The following BICRAL variants were observed in gnomAD, a reference collection of about 807,000 sequenced individuals.
BICRAL encodes the protein BRD4-interacting chromatin-remodeling complex-associated protein-like.
BICRAL carries 8 observed loss-of-function variants against 91.8 expected under a neutral mutation model. The observed-to-expected ratio is 0.09, with a 90% confidence interval of 0.05 to 0.16. The LOEUF (loss-of-function observed/expected upper bound fraction) is 0.16, where lower values mean the gene tolerates loss of function less well. Among genes scored for constraint, BICRAL ranks in the 10% least tolerant of loss-of-function variants. BICRAL has a pLI of 1.00. For synonymous variants in BICRAL, 445 were observed against 491.1 expected (o/e 0.91, Z 1.24); for missense variants, 1,038 against 1,310.9 (o/e 0.79, Z 3.21).
At chr6:42,781,640 G>A (rs995002714), upstream of BICRAL, among the ~76,000 whole-genome samples, 3 of 150,666 alleles carry the variant, frequency 2.0e-5, no homozygotes, top group African/African-American at 4.9e-5. Flanking sequence ...GAGCCTGCAA[G>A]AGAATTAGCA....
chr6:42,785,655 TAAAAG>T (rs775483176), intron 1 of BICRAL, among the ~76,000 whole-genome samples: 4 of 152,178 alleles, frequency 2.6e-5, no homozygotes, highest in African/African-American at 4.8e-5. Flanking sequence ...GATAAATCCT[TAAAAG>T]AAAAGGTTGT....
rs546831258 is a variant in BICRAL, at chr6:42,866,909, A to C, written c.*1463A>C. ...AAGCTACATGATAGTATTTTTATGC[A>C]CTCTTCTCCCACACATACACACACG... is the stretch of plus-strand genomic sequence containing the variant. On this transcript the variant is annotated 3_prime_UTR_variant, in exon 13 of 13. Coordinates refer to ENST00000314073, the MANE Select transcript of BICRAL (RefSeq NM_001393499.1). The C allele has an allele frequency of 3.3e-5, 15 of 455,344 alleles. No homozygotes were observed. Among genetic ancestry groups the C allele is most frequent in the African/African-American group, 2.8e-4 (14 of 50,002 alleles). The allele number at this position is 455,344 out of a possible 1,614,324, so 28.2% of individuals were successfully genotyped here.
At chr6:42,848,241 G>A (rs1461454712) in intron 6 of BICRAL, among the ~76,000 whole-genome samples, 1 of 151,304 alleles carries the variant, frequency 6.6e-6, no homozygotes, top group Non-Finnish European at 1.5e-5. Flanking sequence ...GACAGAGTGA[G>A]ACTCCATCTC....
At chr6:42,804,328 T>G (rs1166728686) in intron 1 of BICRAL, among the ~76,000 whole-genome samples, 1 of 152,152 alleles carries the variant, frequency 6.6e-6, no homozygotes, top group Non-Finnish European at 1.5e-5. Flanking sequence ...CGGCCAGTAT[T>G]ATACTCTTAA....
At chr6:42,834,417 A>C (rs547285540) in intron 6 of BICRAL, among the ~76,000 whole-genome samples, 2 of 152,342 alleles carry the variant, frequency 1.3e-5, no homozygotes, top group African/African-American at 4.8e-5. Flanking sequence ...AAACTTGCAC[A>C]TGATAATTTA....
chr6:42,796,604 A>G (rs536828671), intron 1 of BICRAL, among the ~76,000 whole-genome samples: 3 of 152,306 alleles, frequency 2.0e-5, no homozygotes, highest in Admixed American at 2.0e-4. Context: ...ATTCTAGACT[A>G]TAAAAGAGCA....
intron 6 of BICRAL, among the ~76,000 whole-genome samples, chr6:42,850,412 C>T (rs996901780): frequency 7.7e-4 from 116 of 150,908 alleles, no homozygotes; most frequent in African/African-American, 2.4e-3. Flanking sequence ...CCCAGCTACT[C>T]GAGAGGCTGA....
At position 42,864,582 on chromosome 6, in the gene BICRAL, C is replaced by G. The variant is rs79462381; in HGVS notation, c.2453-77C>G. The G allele has an allele frequency of 1.3e-3, 1,625 of 1,221,344 alleles. 18 individuals carry two copies. In the African/African-American group the frequency reaches 0.022, roughly 16 times the overall value. The allele number at this position is 1,221,344 out of a possible 1,614,324, so 75.7% of individuals were successfully genotyped here. A position where few individuals can be genotyped will look rare whatever the true frequency, so the allele number is the denominator to read the frequency against. On this transcript the variant is annotated intron_variant, in intron 12 of 12. Transcript: ENST00000314073. ...GTGGGGCTGGCTTTGCCCTCAGCACCTGACCCACTGAAGTTCTGCTGTATA... is the reference window on the plus strand; with the variant it reads ...GTGGGGCTGGCTTTGCCCTCAGCACGTGACCCACTGAAGTTCTGCTGTATA...
intron 1 of BICRAL, among the ~76,000 whole-genome samples, chr6:42,808,412 G>A (rs1763770962): frequency 6.6e-6 from 1 of 152,200 alleles, no homozygotes; most frequent in African/African-American, 2.4e-5. Context: ...TTACAGGCAA[G>A]AGCCACTGTG....
At chr6:42,790,573 C>G (rs147599194) in intron 1 of BICRAL, among the ~76,000 whole-genome samples, 1 of 150,814 alleles carries the variant, frequency 6.6e-6, no homozygotes, top group Non-Finnish European at 1.5e-5. Flanking sequence ...AGTCTGCTGT[C>G]ATTCCCTTTT....
chr6:42,746,466 T>G (rs1462596531), upstream of BICRAL, among the ~76,000 whole-genome samples: 1 of 148,790 alleles, frequency 6.7e-6, no homozygotes, highest in East Asian at 2.0e-4. Flanking sequence ...ACTACCCCCT[T>G]ACAGGCCGGA....
intron 1 of BICRAL, among the ~76,000 whole-genome samples, chr6:42,751,053 C>T (rs774920438): frequency 6.6e-6 from 1 of 151,380 alleles, no homozygotes; most frequent in African/African-American, 2.4e-5. Context: ...TAATGCTCCC[C>T]CTCCCCTTGC....
chr6:42,773,304 C>T (rs1001780055), intron 1 of BICRAL, among the ~76,000 whole-genome samples: 1 of 151,954 alleles, frequency 6.6e-6, no homozygotes, highest in Non-Finnish European at 1.5e-5. Context: ...TCTTGAACTC[C>T]TGACCTCAGG....
Position 42,867,057 on chromosome 6 carries a change from C to A in BICRAL, c.*1611C>A. ...GTTTATCTCCCTGGCTCTGGAGGTG[C>A]AGCCACTGGTCTTCACTTTAATGTG... On this transcript the variant is annotated 3_prime_UTR_variant, in exon 13 of 13. Coordinates refer to ENST00000314073, the MANE Select transcript of BICRAL (RefSeq NM_001393499.1). 3.5e-6 allele frequency: 1 copy of A among 285,738 alleles called. No homozygotes were observed. The highest frequency in any genetic ancestry group is 7.1e-6 in the Non-Finnish European group (1 of 141,152). 17.7% of individuals were successfully genotyped at this position (285,738 alleles called of 1,614,324 possible).
chr6:42,814,384 T>A (rs1262010388), intron 2 of BICRAL, among the ~76,000 whole-genome samples: 2 of 145,850 alleles, frequency 1.4e-5, no homozygotes, highest in African/African-American at 2.5e-5. Context: ...TGTATATATA[T>A]AAATTATATA....
chr6:42,784,468 T>G (rs1038568908), intron 1 of BICRAL, among the ~76,000 whole-genome samples: 5 of 152,216 alleles, frequency 3.3e-5, no homozygotes, highest in African/African-American at 9.6e-5. Flanking sequence ...TTTATAAATA[T>G]ACATAGTGGA....
intron 1 of BICRAL, among the ~76,000 whole-genome samples, chr6:42,750,400 G>A (rs947580741): frequency 1.3e-4 from 19 of 151,070 alleles, no homozygotes; most frequent in African/African-American, 4.6e-4. Context: ...TTGGGCTCAA[G>A]TGATCTGCCC....
intron 2 of BICRAL, among the ~76,000 whole-genome samples, chr6:42,811,105 A>G (rs1008394887): frequency 2.0e-5 from 3 of 152,170 alleles, no homozygotes; most frequent in African/African-American, 7.2e-5. Flanking sequence ...CTGTGTAGAA[A>G]TGGTGAAAAT....
At position 42,783,144 on chromosome 6, in the gene BICRAL, C is replaced by G. The variant is rs1016247289; in HGVS notation, c.-102+1043C>G. Among the ~76,000 whole-genome samples, 3 of 151,510 alleles carry G rather than the reference C, an allele frequency of 2.0e-5. No individual in the cohort carries two copies. The East Asian group carries it at 5.9e-4, about 30-fold the overall frequency. On this transcript the variant is annotated intron_variant, in intron 1 of 12. Coordinates refer to ENST00000314073, the MANE Select transcript of BICRAL (RefSeq NM_001393499.1). The stretch of plus-strand genomic sequence containing the variant: ...AGTCGCCCCGGCCCCGTTCCCGCTC[C>G]CGCTCCGAGCCCGCGGCGGCGGCGC...
Sources: gnomAD v4.1 joint callset for allele counts (sites outside exome capture counted in the v4.1 genomes callset) on GRCh38, gnomAD v4.1.1 for gene constraint, MANE v1.5 for transcripts, NCBI Gene and HGNC (gene_info 2026-07-23, HGNC 2026-07-21) for gene names.